ARL8A: variants seen among roughly 807,000 people sequenced by gnomAD.
The protein encoded by ARL8A is ARF like GTPase 8A.
A neutral mutation model predicts 31.2 loss-of-function variants in ARL8A; 10 were observed. The ratio of observed to expected loss-of-function variants is 0.32; its 90% CI spans 0.20 to 0.54. The LOEUF is 0.54. Ranked by LOEUF, ARL8A falls within the 20% of genes least tolerant of loss-of-function variation. The pLI is 0.93. For synonymous variants in ARL8A, 70 were observed against 86.9 expected (o/e 0.81, Z 1.08); for missense variants, 129 against 242.8 (o/e 0.53, Z 3.12).
In ARL8A at chr1:202,135,157, G is replaced by T. The variant is rs1387098836; in HGVS notation, c.504C>A (p.Asp168Glu). 5.6e-6 allele frequency: 9 copies of T among 1,613,762 alleles called. No individual in the cohort carries two copies. Among genetic ancestry groups the T allele is most frequent in the Non-Finnish European group, 7.6e-6 (9 of 1,179,676 alleles). The part of the protein sequence containing the change: ...CCYSISCKEK[D>E]NIDITLQWLI... ...TTCCCCCATCCTACGCACCAATGTT[G>T]TCCTTTTCTTTGCAAGAGATGGAGT... Residue 168 changes from aspartate to glutamate, a missense_variant, in exon 6 of 7, where the codon GAC (aspartate) becomes GAA (glutamate). Physicochemically the swap from Asp to Glu is conservative, Grantham distance 45. Transcript: ENST00000272217. This position sits in a 1 kb window ranked among gnomAD's most constrained non-coding sequence, Gnocchi z 5.3.
chr1:202,144,441 C>A lies in ARL8A; in HGVS notation c.123+9G>T. The A allele has an allele frequency of 7.1e-7, 1 of 1,417,440 alleles. No homozygotes were observed. Among genetic ancestry groups the A allele is most frequent in the Non-Finnish European group, 9.4e-7 (1 of 1,060,368 alleles). 87.8% of individuals were successfully genotyped at this position (1,417,440 alleles called of 1,614,324 possible). A position where few individuals can be genotyped will look rare whatever the true frequency, so the allele number is the denominator to read the frequency against. ...GCGCCCGGGGACCCCGCGCCCGACG[C>A]CCTCGTACCGCGATCACGTTGACGA... On this transcript the variant is annotated intron_variant, in intron 1 of 6. Coordinates refer to ENST00000272217, the MANE Select transcript of ARL8A (RefSeq NM_138795.4). The surrounding 1 kb of genome is among the most constrained non-coding windows in gnomAD (Gnocchi z 5.2).
In ARL8A at chr1:202,144,217, C is replaced by T. The variant is rs750136598; in HGVS notation, c.123+233G>A. Reference sequence around the variant, plus strand: ...TCTGTTCGTCCCCCTTCCCCTGCCCCCAGCCGTGCAGTACCGGCCCGGGTG... The same window carrying T: ...TCTGTTCGTCCCCCTTCCCCTGCCCTCAGCCGTGCAGTACCGGCCCGGGTG... On this transcript the variant is annotated intron_variant, in intron 1 of 6. Transcript: ENST00000272217. This position sits in a 1 kb window ranked among gnomAD's most constrained non-coding sequence, Gnocchi z 5.2. Among the ~76,000 whole-genome samples, 2 of 152,106 alleles carry T rather than the reference C, an allele frequency of 1.3e-5. No individual in the cohort carries two copies. The highest frequency in any genetic ancestry group is 2.9e-5 in the Non-Finnish European group (2 of 67,986).
At position 202,138,253 on chromosome 1, in the gene ARL8A, A is replaced by C; in HGVS notation, c.204+115T>G. The C allele has an allele frequency of 7.8e-7, 1 of 1,278,994 alleles. No homozygotes were observed. Among genetic ancestry groups the C allele is most frequent in the South Asian group, 1.3e-5 (1 of 78,736 alleles). The allele number at this position is 1,278,994 out of a possible 1,614,324, so 79.2% of individuals were successfully genotyped here. Reference sequence around the variant, plus strand: ...GCAGGGGGACCCTGGCCTCTGCCCCACTTCAGCTCGCTCCTCCCAGGGGCC... The same window carrying C: ...GCAGGGGGACCCTGGCCTCTGCCCCCCTTCAGCTCGCTCCTCCCAGGGGCC... On this transcript the variant is annotated intron_variant, in intron 2 of 6. Coordinates refer to ENST00000272217, the MANE Select transcript of ARL8A (RefSeq NM_138795.4). The surrounding 1 kb of genome is among the most constrained non-coding windows in gnomAD (Gnocchi z 4.4).
In ARL8A at chr1:202,134,543, T is replaced by A. The variant is rs201262919; in HGVS notation, c.512-27A>T. ...TGATAGGAGAAAAGAGAACAGCTTATAAGGCCTGCAAGTACTGGCCGTGCT... is the reference window on the plus strand; with the variant it reads ...TGATAGGAGAAAAGAGAACAGCTTAAAAGGCCTGCAAGTACTGGCCGTGCT... On this transcript the variant is annotated intron_variant, in intron 6 of 6. Transcript: ENST00000272217. The surrounding 1 kb of genome is among the most constrained non-coding windows in gnomAD (Gnocchi z 4.2). 12 of 1,603,042 alleles carry A rather than the reference T, an allele frequency of 7.5e-6. No individual in the cohort carries two copies. In the African/African-American group the frequency reaches 1.5e-4, roughly 20 times the overall value.
Position 202,144,445 on chromosome 1 carries a change from C to T in ARL8A, c.123+5G>A, listed in dbSNP as rs780215317. 4 of 1,428,336 alleles carry T rather than the reference C, an allele frequency of 2.8e-6. No individual in the cohort carries two copies. The highest frequency in any genetic ancestry group is 3.7e-6 in the Non-Finnish European group (4 of 1,066,814). The allele number at this position is 1,428,336 out of a possible 1,614,324, so 88.5% of individuals were successfully genotyped here. On this transcript the variant is annotated splice_donor_5th_base_variant and intron_variant, in intron 1 of 6. Transcript: ENST00000272217. This position sits in a 1 kb window ranked among gnomAD's most constrained non-coding sequence, Gnocchi z 5.2. ...CCGGGGACCCCGCGCCCGACGCCCT[C>T]GTACCGCGATCACGTTGACGAAGGT...
chr1:202,140,996 T>C (rs1202735508), intron 1 of ARL8A, among the ~76,000 whole-genome samples: 1 of 152,154 alleles, frequency 6.6e-6, no homozygotes, highest in Admixed American at 6.5e-5. Flanking sequence ...GGTTTCGATA[T>C]AGCATGGGGA....
Position 202,144,052 on chromosome 1 carries a change from C to T in ARL8A, c.123+398G>A, listed in dbSNP as rs1170122030. 6.6e-5 allele frequency among the ~76,000 whole-genome samples: 10 copies of T among 152,242 alleles called. No homozygotes were observed. Reference sequence around the variant, plus strand: ...CCGCCCCGTCCCGTGACCCTCTACCCGCGGGACAGGAAGGCCCGTGCACTT... The same window carrying T: ...CCGCCCCGTCCCGTGACCCTCTACCTGCGGGACAGGAAGGCCCGTGCACTT... On this transcript the variant is annotated intron_variant, in intron 1 of 6. Coordinates refer to ENST00000272217, the MANE Select transcript of ARL8A (RefSeq NM_138795.4). The surrounding 1 kb of genome is among the most constrained non-coding windows in gnomAD (Gnocchi z 5.2).
chr1:202,139,668 CAG>C (rs1289061789), intron 1 of ARL8A, among the ~76,000 whole-genome samples: 12 of 99,910 alleles, frequency 1.2e-4, no homozygotes, highest in Admixed American at 3.1e-4. Flanking sequence ...TTTTCTGAGA[CAG>C]AGTCTCGCTC....
At position 202,134,275 on chromosome 1, in the gene ARL8A, TG is replaced by T. The variant is rs1290910956; in HGVS notation, c.*191del. ...AGGGTGAGAAGTTAGGGGACCAGAATGGGGGGCAATTTATTTTACAATAAAA... is the reference window on the plus strand; with the variant it reads ...AGGGTGAGAAGTTAGGGGACCAGAATGGGGGCAATTTATTTTACAATAAAA... On this transcript the variant is annotated 3_prime_UTR_variant, in exon 7 of 7. Transcript: ENST00000272217. This position sits in a 1 kb window ranked among gnomAD's most constrained non-coding sequence, Gnocchi z 4.2. The T allele has an allele frequency of 7.1e-6, 4 of 563,570 alleles. No individual in the cohort carries two copies. Among genetic ancestry groups the T allele is most frequent in the African/African-American group, 3.9e-5 (2 of 51,726 alleles). 34.9% of individuals were successfully genotyped at this position (563,570 alleles called of 1,614,324 possible).
chr1:202,138,535 C>A lies in ARL8A; in HGVS notation c.124-87G>T, dbSNP rs374621800. ...AGAGGCTGCGAGAACCATGCAGAGG[C>A]CAGGCCAGAGCTTCCTAGACTTCCC... is the stretch of plus-strand genomic sequence containing the variant. On this transcript the variant is annotated intron_variant, in intron 1 of 6. Transcript: ENST00000272217. This position sits in a 1 kb window ranked among gnomAD's most constrained non-coding sequence, Gnocchi z 4.4. The A allele has an allele frequency of 1.5e-6, 2 of 1,304,786 alleles. No homozygotes were observed. Among genetic ancestry groups the A allele is most frequent in the African/African-American group, 2.9e-5 (2 of 68,360 alleles). 80.8% of individuals were successfully genotyped at this position (1,304,786 alleles called of 1,614,324 possible). A position where few individuals can be genotyped will look rare whatever the true frequency, so the allele number is the denominator to read the frequency against.
In ARL8A at chr1:202,135,432, AAAGT is replaced by A; in HGVS notation, c.440+23_440+26del. The A allele has an allele frequency of 6.2e-7, 1 of 1,610,122 alleles. No individual in the cohort carries two copies. The highest frequency in any genetic ancestry group is 8.5e-7 in the Non-Finnish European group (1 of 1,176,390). Reference sequence around the variant, plus strand: ...GGTGGTTGGGGAATTGGGAGAGCAGAAAGTAATATAGAGTCACCCAACTCACATT... The same window carrying A: ...GGTGGTTGGGGAATTGGGAGAGCAGAAATATAGAGTCACCCAACTCACATT... On this transcript the variant is annotated intron_variant, in intron 5 of 6. Coordinates refer to ENST00000272217, the MANE Select transcript of ARL8A (RefSeq NM_138795.4). The surrounding 1 kb of genome is among the most constrained non-coding windows in gnomAD (Gnocchi z 5.3).
Position 202,134,303 on chromosome 1 carries a change from C to A in ARL8A, c.*164G>T. On this transcript the variant is annotated 3_prime_UTR_variant, in exon 7 of 7. Transcript: ENST00000272217. The surrounding 1 kb of genome is among the most constrained non-coding windows in gnomAD (Gnocchi z 4.2). ...GGGGCAATTTATTTTACAATAAAAA[C>A]AGGAGTTCAAACCTCAGCAGAACAG... 1 of 620,888 alleles carries A rather than the reference C, an allele frequency of 1.6e-6. No individual in the cohort carries two copies. The highest frequency in any genetic ancestry group is 2.9e-6 in the Non-Finnish European group (1 of 348,946). 38.5% of individuals were successfully genotyped at this position (620,888 alleles called of 1,614,324 possible). A position where few individuals can be genotyped will look rare whatever the true frequency, so the allele number is the denominator to read the frequency against.
chr1:202,134,190 T>C lies in ARL8A; in HGVS notation c.*277A>G. On this transcript the variant is annotated 3_prime_UTR_variant, in exon 7 of 7. Transcript: ENST00000272217. The surrounding 1 kb of genome is among the most constrained non-coding windows in gnomAD (Gnocchi z 4.2). ...CCGGGGAAAAGCCAGGGGCGGGGGC[T>C]GTGGCCCAGGGCTGCTGGGAGGGAG... The C allele has an allele frequency of 2.0e-6, 1 of 495,928 alleles. No homozygotes were observed. 30.7% of individuals were successfully genotyped at this position (495,928 alleles called of 1,614,324 possible).
chr1:202,134,412 C>T lies in ARL8A; in HGVS notation c.*55G>A, dbSNP rs953290046. The T allele has an allele frequency of 2.0e-5, 31 of 1,570,208 alleles. No individual in the cohort carries two copies. The highest frequency in any genetic ancestry group is 4.5e-5 in the East Asian group (2 of 44,626). On this transcript the variant is annotated 3_prime_UTR_variant, in exon 7 of 7. Transcript: ENST00000272217. The surrounding 1 kb of genome is among the most constrained non-coding windows in gnomAD (Gnocchi z 4.2). ...GGACGACAGGGGTGGGCGGGGAGCT[C>T]GGCTTCAGGTTTAGATGATGACGGT...
chr1:202,137,933 C>A (rs746405598), intron 3 of ARL8A, 32 bp downstream of exon 3: 2 of 1,613,168 alleles, frequency 1.2e-6, no homozygotes, highest in South Asian at 2.2e-5. Flanking sequence ...CCGGGTAAGG[C>A]TGGAGTCTGG....
intron 1 of ARL8A, among the ~76,000 whole-genome samples, chr1:202,143,299 C>T (rs754959545): frequency 6.6e-6 from 1 of 152,208 alleles, no homozygotes; most frequent in African/African-American, 2.4e-5. Context: ...CCTTCTAGGA[C>T]GCTGAGAACT....
Position 202,134,664 on chromosome 1 carries a change from G to A in ARL8A, c.512-148C>T. 1.4e-6 allele frequency: 1 copy of A among 738,100 alleles called. No homozygotes were observed. The highest frequency in any genetic ancestry group is 2.4e-6 in the Non-Finnish European group (1 of 418,244). The allele number at this position is 738,100 out of a possible 1,614,324, so 45.7% of individuals were successfully genotyped here. On this transcript the variant is annotated intron_variant, in intron 6 of 6. Transcript: ENST00000272217. This position sits in a 1 kb window ranked among gnomAD's most constrained non-coding sequence, Gnocchi z 4.2. ...GCACACCTGGAGTCTCAGCTACATGGGAAGCTCAGGTGAGAGGATTGCTTG... is the reference window on the plus strand; with the variant it reads ...GCACACCTGGAGTCTCAGCTACATGAGAAGCTCAGGTGAGAGGATTGCTTG...
At position 202,135,821 on chromosome 1, in the gene ARL8A, G is replaced by A. The variant is rs377586812; in HGVS notation, c.279-21C>T. ...TGTACCTGGGGAAAGAGGCAGGGTG[G>A]GGACAAGCATGTTGACACCACAGGC... On this transcript the variant is annotated intron_variant, in intron 3 of 6. Coordinates refer to ENST00000272217, the MANE Select transcript of ARL8A (RefSeq NM_138795.4). The surrounding 1 kb of genome is among the most constrained non-coding windows in gnomAD (Gnocchi z 5.3). 3.1e-6 allele frequency: 5 copies of A among 1,598,972 alleles called. No individual in the cohort carries two copies. The highest frequency in any genetic ancestry group is 1.7e-4 in the Middle Eastern group (1 of 6,036).
At position 202,136,857 on chromosome 1, in the gene ARL8A, T is replaced by C. The variant is rs183858141; in HGVS notation, c.279-1057A>G. ...GTGCCCTGCCATTTTTCTTTTCTTT[T>C]CTTTTCCTTTTTTTTGAGACAGAGT... On this transcript the variant is annotated intron_variant, in intron 3 of 6. Coordinates refer to ENST00000272217, the MANE Select transcript of ARL8A (RefSeq NM_138795.4). Among the ~76,000 whole-genome samples the C allele has an allele frequency of 3.4e-4, 52 of 151,310 alleles. 1 individual carries two copies. Among genetic ancestry groups the C allele is most frequent in the Middle Eastern group, 7.0e-3 (2 of 286 alleles).
Sources: gnomAD v4.1 joint callset for allele counts (sites outside exome capture counted in the v4.1 genomes callset) on GRCh38, gnomAD v4.1.1 for gene constraint, Gnocchi (gnomAD v3.1) non-coding constraint, MANE v1.5 for transcripts, NCBI Gene and HGNC (gene_info 2026-07-23, HGNC 2026-07-21) for gene names.